The following LRRC69 variants were observed in gnomAD, a reference collection of about 807,000 sequenced individuals.
LRRC69 encodes the protein leucine rich repeat containing 69.
In LRRC69, 42 loss-of-function variants were observed where a neutral mutation model predicts 37.8. The ratio of observed to expected loss-of-function variants is 1.11; its 90% CI spans 0.87 to 1.44. The LOEUF (loss-of-function observed/expected upper bound fraction) is 1.44, where lower values mean the gene tolerates loss of function less well. LRRC69 is among the 40% of genes most tolerant of loss of function. LRRC69 has a pLI of 0.00. For missense variants in LRRC69, 357 were observed against 401.9 expected, an observed-to-expected ratio of 0.89 and a Z score of 0.96; for synonymous variants, 141 against 143.1, an observed-to-expected ratio of 0.99 and a Z score of 0.11.
intron 5 of LRRC69, among the ~76,000 whole-genome samples, chr8:91,147,281 A>G (rs139589198): frequency 0.02 from 2,884 of 146,250 alleles, 76 homozygotes; most frequent in African/African-American, 0.067. Flanking sequence ...TATATTATAT[A>G]TAAACATATT....
intron 1 of LRRC69, among the ~76,000 whole-genome samples, chr8:91,113,997 T>TAA (rs1813460491): frequency 1.4e-5 from 1 of 73,046 alleles, no homozygotes; most frequent in Non-Finnish European, 2.8e-5. Flanking sequence ...AAAAAAAAGG[T>TAA]AAAGGACCTG....
intron 7 of LRRC69, among the ~76,000 whole-genome samples, chr8:91,214,042 A>T (rs947236402): frequency 2.0e-5 from 3 of 152,122 alleles, no homozygotes; most frequent in African/African-American, 7.2e-5. Context: ...GTGTTTTAGA[A>T]AGAGTCACTT....
intron 1 of LRRC69, among the ~76,000 whole-genome samples, chr8:91,106,201 G>A (rs1213549825): frequency 6.6e-6 from 1 of 151,916 alleles, no homozygotes; most frequent in East Asian, 1.9e-4. Flanking sequence ...TTTCTTATGT[G>A]GCTATAGTCA....
intron 7 of LRRC69, among the ~76,000 whole-genome samples, chr8:91,211,587 A>G (rs763230766): frequency 7.1e-6 from 1 of 140,940 alleles, no homozygotes; most frequent in African/African-American, 2.5e-5. Context: ...GTAGACAGCA[A>G]TTATACAAAT....
intron 3 of LRRC69, 120 bp downstream of exon 3, chr8:91,127,280 G>A: frequency 1.5e-6 from 1 of 678,994 alleles, no homozygotes; most frequent in Non-Finnish European, 2.4e-6. Context: ...TAGCAAAGAG[G>A]GATCTGAAGG....
intron 1 of LRRC69, among the ~76,000 whole-genome samples, chr8:91,110,307 A>G (rs1161727334): frequency 6.6e-6 from 1 of 152,064 alleles, no homozygotes; most frequent in Non-Finnish European, 1.5e-5. Flanking sequence ...AGTCTTCCAG[A>G]TAAAGATGGA....
At chr8:91,191,053 CCAAGTCAAAAAGCAA>C (rs1381790048) in intron 6 of LRRC69, among the ~76,000 whole-genome samples, 1 of 143,384 alleles carries the variant, frequency 7.0e-6, no homozygotes, top group Non-Finnish European at 1.5e-5. Context: ...CCCCCCCCCC[CCAAGTCAAAAAGCAA>C]CAACAACAAA....
chr8:91,204,447 A>T (rs1809764883), intron 7 of LRRC69, among the ~76,000 whole-genome samples: 1 of 152,242 alleles, frequency 6.6e-6, no homozygotes, highest in Non-Finnish European at 1.5e-5. Flanking sequence ...CAAACACCTT[A>T]ATATGGCCTC....
In LRRC69 at chr8:91,167,619, C is replaced by T. The variant is rs189147097; in HGVS notation, c.652-21903C>T. On this transcript the variant is annotated intron_variant, in intron 5 of 7. Coordinates refer to ENST00000448384, the Ensembl canonical transcript of LRRC69. ...GTAAATGTTTAACACAATCAGCTCC[C>T]TGGGGCGCCAGAGCGGAACCCTCGT... Among the ~76,000 whole-genome samples the T allele has an allele frequency of 9.1e-4, 138 of 152,100 alleles. 1 individual carries two copies. The highest frequency in any genetic ancestry group is 3.2e-3 in the African/African-American group (131 of 41,544).
At chr8:91,135,702 A>G in exon 5 of LRRC69, 1 of 1,461,244 alleles carries the variant, frequency 6.8e-7, no homozygotes, top group Non-Finnish European at 9.0e-7. Flanking sequence ...AGAATCCTAG[A>G]CATAGCTGGA....
Position 91,187,706 on chromosome 8 carries a change from G to A in LRRC69, c.652-1816G>A, listed in dbSNP as rs143344059. ...CTGCCTCCAAACTCAACTGACATAC[G>A]GTCTTATTCTCTGCTTCAAACAGTT... On this transcript the variant is annotated intron_variant, in intron 5 of 7. Transcript: ENST00000448384. Among the ~76,000 whole-genome samples, 13 of 152,190 alleles carry A rather than the reference G, an allele frequency of 8.5e-5. No homozygotes were observed. The East Asian group carries it at 2.1e-3, about 25-fold the overall frequency.
intron 3 of LRRC69, among the ~76,000 whole-genome samples, chr8:91,131,711 C>T (rs1813812691): frequency 6.6e-6 from 1 of 151,758 alleles, no homozygotes; most frequent in African/African-American, 2.4e-5. Context: ...TAAATATTGA[C>T]TTTGTAGTTT....
intron 5 of LRRC69, among the ~76,000 whole-genome samples, chr8:91,162,429 G>C (rs1808960909): frequency 6.6e-6 from 1 of 151,382 alleles, no homozygotes; most frequent in Admixed American, 6.6e-5. Context: ...ATATCTGGCT[G>C]TTCCAGTGTT....
At chr8:91,113,585 G>GT (rs1813449012) in intron 1 of LRRC69, among the ~76,000 whole-genome samples, 1 of 151,896 alleles carries the variant, frequency 6.6e-6, no homozygotes, top group African/African-American at 2.4e-5. Context: ...AGACTTTAAT[G>GT]TAACACTTGA....
chr8:91,191,626 A>G (rs1165353304), intron 6 of LRRC69, among the ~76,000 whole-genome samples: 1 of 152,118 alleles, frequency 6.6e-6, no homozygotes, highest in Non-Finnish European at 1.5e-5. Flanking sequence ...TGGTTCAGAA[A>G]GGGGATATAG....
intron 5 of LRRC69, among the ~76,000 whole-genome samples, chr8:91,186,386 G>A (rs566843256): frequency 2.0e-5 from 3 of 152,300 alleles, no homozygotes; most frequent in African/African-American, 4.8e-5. Context: ...GAAGCTTAGA[G>A]GGGTGACATT....
intron 5 of LRRC69, among the ~76,000 whole-genome samples, chr8:91,173,798 G>A (rs1420845131): frequency 2.6e-5 from 4 of 151,954 alleles, no homozygotes; most frequent in Non-Finnish European, 5.9e-5. Context: ...AAGATTCCTT[G>A]GGAATCTTTT....
intron 6 of LRRC69, among the ~76,000 whole-genome samples, chr8:91,192,603 T>C (rs1809518772): frequency 6.6e-6 from 1 of 152,090 alleles, no homozygotes; most frequent in Admixed American, 6.6e-5. Flanking sequence ...CCAGTGATGA[T>C]GAGCATTTTT....
intron 5 of LRRC69, among the ~76,000 whole-genome samples, chr8:91,177,407 A>G (rs1202855846): frequency 1.3e-5 from 2 of 151,342 alleles, no homozygotes; most frequent in African/African-American, 4.9e-5. Flanking sequence ...TATTCAATAG[A>G]CTATTCATTC....
Sources: allele counts gnomAD v4.1 joint callset (sites outside exome capture counted in the v4.1 genomes callset), GRCh38; gene constraint gnomAD v4.1.1; transcripts MANE v1.5; gene names NCBI Gene and HGNC (gene_info 2026-07-23, HGNC 2026-07-21).